DCDC1: variants seen among roughly 807,000 people sequenced by gnomAD.
The protein encoded by DCDC1 is doublecortin domain containing 1.
In DCDC1, 200 loss-of-function variants were observed where a neutral mutation model predicts 178.3. The ratio of observed to expected loss-of-function variants is 1.12; its 90% CI spans 1.00 to 1.26. The LOEUF (loss-of-function observed/expected upper bound fraction) is 1.26, where lower values mean the gene tolerates loss of function less well. Ranked by LOEUF, DCDC1 falls within the 50% of genes most tolerant of loss-of-function variation. The probability of loss-of-function intolerance (pLI) is 0.00; values close to 1 mark genes in which losing one functional copy is unlikely to be tolerated. For missense variants in DCDC1, 1,983 were observed against 1,749.2 expected, an observed-to-expected ratio of 1.13 and a Z score of -2.38; for synonymous variants, 690 against 604.8, an observed-to-expected ratio of 1.14 and a Z score of -2.07.
chr11:30,933,346 A>G (rs969769690), intron 21 of DCDC1, among the ~76,000 whole-genome samples: 2 of 151,994 alleles, frequency 1.3e-5, no homozygotes, highest in Admixed American at 1.3e-4. Context: ...TAAGAAATTT[A>G]TATTTTGTTA....
chr11:31,335,726 A>G (rs1950239734), intron 1 of DCDC1, among the ~76,000 whole-genome samples, 162 bp from the exon 2 acceptor site: 1 of 152,128 alleles, frequency 6.6e-6, no homozygotes, highest in African/African-American at 2.4e-5. Context: ...CTACAGACCC[A>G]AGGGTTGGGG....
chr11:31,209,460 T>C (rs1281685603), intron 9 of DCDC1, among the ~76,000 whole-genome samples: 6 of 152,234 alleles, frequency 3.9e-5, no homozygotes, highest in South Asian at 2.1e-4. Context: ...TTGAAGATGA[T>C]AGAAAGCCAG....
At chr11:31,145,137 C>G (rs1272616113) in intron 9 of DCDC1, among the ~76,000 whole-genome samples, 1 of 152,062 alleles carries the variant, frequency 6.6e-6, no homozygotes, top group African/African-American at 2.4e-5. Context: ...GGCCACAATC[C>G]CTATCTGAGC....
At chr11:31,097,905 G>C (rs899737543) in intron 15 of DCDC1, among the ~76,000 whole-genome samples, 1 of 152,110 alleles carries the variant, frequency 6.6e-6, no homozygotes, top group Non-Finnish European at 1.5e-5. Context: ...GAATAATACA[G>C]TACTTCAGTA....
intron 20 of DCDC1, among the ~76,000 whole-genome samples, chr11:31,021,586 G>A (rs749365587): frequency 2.6e-5 from 4 of 152,114 alleles, no homozygotes; most frequent in Non-Finnish European, 4.4e-5. Flanking sequence ...AAGTAACTAA[G>A]GGGAGTGATT....
chr11:31,351,884 T>G (rs534922167), intron 1 of DCDC1, among the ~76,000 whole-genome samples: 1 of 152,244 alleles, frequency 6.6e-6, no homozygotes, highest in East Asian at 1.9e-4. Flanking sequence ...AAATATAATC[T>G]TCCTATTTAC....
intron 17 of DCDC1, among the ~76,000 whole-genome samples, chr11:31,084,347 A>G (rs117676725): frequency 0.011 from 1,664 of 152,264 alleles, 24 homozygotes; most frequent in Non-Finnish European, 0.019. Flanking sequence ...TCACATGAAG[A>G]TATTTATTGT....
intron 17 of DCDC1, among the ~76,000 whole-genome samples, chr11:31,091,008 T>G (rs529885475): frequency 1.3e-5 from 2 of 152,328 alleles, no homozygotes; most frequent in Middle Eastern, 3.4e-3. Flanking sequence ...TCTGTGATTA[T>G]TCTTTCACAG....
intron 6 of DCDC1, among the ~76,000 whole-genome samples, chr11:31,300,856 C>T (rs972361454): frequency 6.6e-6 from 1 of 152,108 alleles, no homozygotes; most frequent in African/African-American, 2.4e-5. Flanking sequence ...CAAATGTAGT[C>T]TCTGTGTATG....
chr11:31,312,359 G>A (rs963149239), intron 3 of DCDC1, among the ~76,000 whole-genome samples: 2 of 152,228 alleles, frequency 1.3e-5, no homozygotes, highest in South Asian at 4.2e-4. Context: ...TAAACCAAGG[G>A]CTTACGGTAT....
rs567467945 is a variant in DCDC1 at position 31,188,049 on chromosome 11, C to T, written c.1222-50265G>A. 1.5e-4 allele frequency among the ~76,000 whole-genome samples: 23 copies of T among 152,028 alleles called. No homozygotes were observed. In the South Asian group the frequency reaches 2.5e-3, roughly 16 times the overall value. On this transcript the variant is annotated intron_variant, in intron 9 of 38. Transcript: ENST00000684477. Reference sequence around the variant, plus strand: ...CTGGCTATATTGAGGAGGAAGGATTCGAACCTCTGAGCTCAAGGGATCCTC... The same window carrying T: ...CTGGCTATATTGAGGAGGAAGGATTTGAACCTCTGAGCTCAAGGGATCCTC...
intron 1 of DCDC1, among the ~76,000 whole-genome samples, chr11:31,361,858 A>T (rs1230937414): frequency 6.6e-6 from 1 of 152,192 alleles, no homozygotes; most frequent in Admixed American, 6.5e-5. Flanking sequence ...TCCAAATCCA[A>T]CGCAGGAACT....
intron 20 of DCDC1, among the ~76,000 whole-genome samples, chr11:30,970,298 C>G (rs1264067851): frequency 6.6e-6 from 1 of 152,164 alleles, no homozygotes; most frequent in Admixed American, 6.5e-5. Flanking sequence ...TAAGCAGCTA[C>G]AGCATGGCAC....
intron 1 of DCDC1, among the ~76,000 whole-genome samples, chr11:31,339,405 G>A (rs1331015431): frequency 6.6e-6 from 1 of 152,158 alleles, no homozygotes; most frequent in Non-Finnish European, 1.5e-5. Context: ...CCAGAACTGT[G>A]AGGAATAAAT....
At chr11:31,170,462 A>C (rs1441649180) in intron 9 of DCDC1, among the ~76,000 whole-genome samples, 1 of 152,244 alleles carries the variant, frequency 6.6e-6, no homozygotes, top group Non-Finnish European at 1.5e-5. Flanking sequence ...AATAATGACC[A>C]AATTCATTAT....
Position 31,103,787 on chromosome 11 carries a change from C to T in DCDC1, c.1752-18G>A, listed in dbSNP as rs377224650. ...GTGGAGATCTGAAAAACGGATAAAA[C>T]ATCAAAACTATCTTCAAAATTAGAC... On this transcript the variant is annotated intron_variant, in intron 13 of 38. Transcript: ENST00000684477. 5 of 757,624 alleles carry T rather than the reference C, an allele frequency of 6.6e-6. No homozygotes were observed. In the African/African-American group the frequency reaches 8.5e-5, roughly 13 times the overall value. 46.9% of individuals were successfully genotyped at this position (757,624 alleles called of 1,614,324 possible). A position where few individuals can be genotyped will look rare whatever the true frequency, so the allele number is the denominator to read the frequency against.
At chr11:31,037,436 T>C (rs995286032) in intron 20 of DCDC1, among the ~76,000 whole-genome samples, 11 of 146,822 alleles carry the variant, frequency 7.5e-5, no homozygotes, top group Non-Finnish European at 1.2e-4. Flanking sequence ...TTCTTTCTTT[T>C]TTTTTTTTTT....
chr11:31,018,647 C>T (rs1355183108), intron 20 of DCDC1, among the ~76,000 whole-genome samples: 1 of 152,160 alleles, frequency 6.6e-6, no homozygotes, highest in East Asian at 1.9e-4. Flanking sequence ...CTTGCAAAAG[C>T]TACCAAGAAA....
chr11:31,006,233 C>T (rs1264207883), intron 20 of DCDC1, among the ~76,000 whole-genome samples: 1 of 151,862 alleles, frequency 6.6e-6, no homozygotes, highest in Non-Finnish European at 1.5e-5. Flanking sequence ...GATGACACCA[C>T]ACAATAGTTG....
Sources: gnomAD v4.1 joint callset for allele counts (sites outside exome capture counted in the v4.1 genomes callset) on GRCh38, gnomAD v4.1.1 for gene constraint, MANE v1.5 for transcripts, NCBI Gene and HGNC (gene_info 2026-07-23, HGNC 2026-07-21) for gene names.